MGAT5B: variants seen among roughly 807,000 people sequenced by gnomAD.
MGAT5B encodes the protein alpha-1,6-mannosylglycoprotein 6-beta-N-acetylglucosaminyltransferase B.
Under a neutral mutation model 95.1 loss-of-function variants are expected in MGAT5B, and 54 were observed. The observed-to-expected ratio is 0.57, with a 90% CI of 0.46 to 0.71. The LOEUF (loss-of-function observed/expected upper bound fraction) is 0.71. Ranked by LOEUF, MGAT5B falls within the 30% of genes least tolerant of loss-of-function variation. The probability of loss-of-function intolerance (pLI) is 0.00; values close to 1 mark genes in which losing one functional copy is unlikely to be tolerated. For synonymous variants in MGAT5B, 464 were observed against 451.0 expected, an observed-to-expected ratio of 1.03 and a Z score of -0.36; for missense variants, 935 against 1,088.6, an observed-to-expected ratio of 0.86 and a Z score of 1.99.
intron 8 of MGAT5B, among the ~76,000 whole-genome samples, chr17:76,908,777 A>G (rs1326166246): frequency 6.7e-6 from 1 of 149,480 alleles, no homozygotes; most frequent in Non-Finnish European, 1.5e-5. Flanking sequence ...TCTACAATAC[A>G]TTGTTGTTAA....
Position 76,905,953 on chromosome 17 carries a change from C to T in MGAT5B, c.856-65C>T. 6.7e-7 allele frequency: 1 copy of T among 1,496,606 alleles called. No individual in the cohort carries two copies. The highest frequency in any genetic ancestry group is 1.4e-5 in the African/African-American group (1 of 69,194). The allele number at this position is 1,496,606 out of a possible 1,614,324, so 92.7% of individuals were successfully genotyped here. A position where few individuals can be genotyped will look rare whatever the true frequency, so the allele number is the denominator to read the frequency against. On this transcript the variant is annotated intron_variant, in intron 7 of 17. Coordinates refer to ENST00000569840, the MANE Select transcript of MGAT5B (RefSeq NM_001199172.2). The surrounding 1 kb of genome is among the most constrained non-coding windows in gnomAD (Gnocchi z 4.2). ...TGCCGGCTGGTCTCCTGGCCGGTGC[C>T]CCGGGGGGGCGGGGCTCAGAGCTGC...
rs1270849124 is a variant in MGAT5B at position 76,924,902 on chromosome 17, CT to C, written c.1026-63del. Reference sequence around the variant, plus strand: ...ACAGTTCATTCTGGGCTCTAAGGAACTGGGGTGGCCGGTTGGGCAGGTGGGT... The same window carrying C: ...ACAGTTCATTCTGGGCTCTAAGGAACGGGGTGGCCGGTTGGGCAGGTGGGT... On this transcript the variant is annotated intron_variant, in intron 8 of 17. Coordinates refer to ENST00000569840, the MANE Select transcript of MGAT5B (RefSeq NM_001199172.2). 9 of 1,593,744 alleles carry C rather than the reference CT, an allele frequency of 5.6e-6. No homozygotes were observed. The East Asian group carries it at 1.8e-4, about 32-fold the overall frequency.
At chr17:76,927,324 C>G (rs1278975555) in intron 10 of MGAT5B, among the ~76,000 whole-genome samples, 1 of 151,974 alleles carries the variant, frequency 6.6e-6, no homozygotes, top group Non-Finnish European at 1.5e-5. Flanking sequence ...ACTGCAGCCT[C>G]GACCTCCTGG....
Position 76,905,337 on chromosome 17 carries a change from C to T in MGAT5B, c.855+4C>T, listed in dbSNP as rs199786344. 3.3e-5 allele frequency: 52 copies of T among 1,580,140 alleles called. No homozygotes were observed. The highest frequency in any genetic ancestry group is 6.8e-5 in the East Asian group (3 of 44,060). ...CACCCAGAGGGACCAGAAGCAGGTG[C>T]GTGGCCCCTGCCCCCTCATGTGCAG... is the stretch of plus-strand genomic sequence containing the variant. On this transcript the variant is annotated splice_donor_region_variant and intron_variant, in intron 7 of 17. Coordinates refer to ENST00000569840, the MANE Select transcript of MGAT5B (RefSeq NM_001199172.2). This position sits in a 1 kb window ranked among gnomAD's most constrained non-coding sequence, Gnocchi z 4.2.
At chr17:76,926,842 G>T in intron 10 of MGAT5B, 112 bp downstream of exon 10, 1 of 1,309,512 alleles carries the variant, frequency 7.6e-7, no homozygotes, top group Non-Finnish European at 1.1e-6. Context: ...TCTCCAGCCA[G>T]TGGGGTTGGT....
chr17:76,913,857 T>C (rs769739681), intron 8 of MGAT5B: 1 of 449,592 alleles, frequency 2.2e-6, no homozygotes, highest in African/African-American at 2.0e-5. Context: ...ACTCCTGTAA[T>C]CCCAGCACTT....
At chr17:76,908,770 A>G (rs1324583261) in intron 8 of MGAT5B, among the ~76,000 whole-genome samples, 1 of 151,170 alleles carries the variant, frequency 6.6e-6, no homozygotes, top group African/African-American at 2.4e-5. Flanking sequence ...TTTGAAATCT[A>G]CAATACATTG....
intron 15 of MGAT5B, among the ~76,000 whole-genome samples, chr17:76,942,751 G>C (rs61624180): frequency 6.6e-6 from 1 of 151,930 alleles, no homozygotes; most frequent in South Asian, 2.1e-4. Context: ...CCCCCTGCAC[G>C]GGGAAGCTGG....
intron 3 of MGAT5B, among the ~76,000 whole-genome samples, chr17:76,897,738 T>TTTC (rs1598923322): frequency 6.8e-6 from 1 of 147,458 alleles, no homozygotes; most frequent in East Asian, 2.0e-4. Flanking sequence ...TTTCTTTTTT[T>TTTC]TTTTTTTTTT....
In MGAT5B at chr17:76,932,616, C is replaced by G. The variant is rs371209215; in HGVS notation, c.1292-29C>G. The G allele has an allele frequency of 1.1e-5, 17 of 1,612,290 alleles. No individual in the cohort carries two copies. The African/African-American group carries it at 1.9e-4, about 18-fold the overall frequency. On this transcript the variant is annotated intron_variant, in intron 10 of 17. Coordinates refer to ENST00000569840, the MANE Select transcript of MGAT5B (RefSeq NM_001199172.2). Reference sequence around the variant, plus strand: ...GGGCTGCCCTTGGTTGTTTGGTGACCCCATTCCTTCTGCGTGCTCGGGCTG... The same window carrying G: ...GGGCTGCCCTTGGTTGTTTGGTGACGCCATTCCTTCTGCGTGCTCGGGCTG...
In MGAT5B at chr17:76,926,621, C is replaced by T; in HGVS notation, c.1182C>T (p.Thr394=). 2 of 1,612,550 alleles carry T rather than the reference C, an allele frequency of 1.2e-6. No individual in the cohort carries two copies. The highest frequency in any genetic ancestry group is 1.7e-6 in the Non-Finnish European group (2 of 1,179,888). The part of the protein sequence containing the change: ...KYRCRIRVID[T]FGTEPAYNHE... Reference sequence around the variant, plus strand: ...GGTGCCGAATCAGGGTCATCGACACCTTCGGGACGGAACCTGCGTACAACC... The same window carrying T: ...GGTGCCGAATCAGGGTCATCGACACTTTCGGGACGGAACCTGCGTACAACC... The change falls in exon 10 of 18, where the codon ACC becomes ACT. Residue 394 remains threonine, a synonymous_variant. Transcript: ENST00000569840.
chr17:76,924,988 C>T lies in MGAT5B; in HGVS notation c.1048C>T (p.Arg350Trp), dbSNP rs771745922. Residue 350 changes from arginine (R) to tryptophan (W), a missense_variant, in exon 9 of 18, where the codon CGG becomes TGG. Transcript: ENST00000569840. ...CAGTAACTTAGGGGTACCGCCAGGCCGGGGAAGCTGCCCGCTCACCATGCC... is the reference window on the plus strand; with the variant it reads ...CAGTAACTTAGGGGTACCGCCAGGCTGGGGAAGCTGCCCGCTCACCATGCC... The part of the protein sequence containing the change: ...LQSNLGVPPG[R>W]GSCPLTMPLP... 1.1e-5 allele frequency: 18 copies of T among 1,612,004 alleles called. No homozygotes were observed. Among genetic ancestry groups the T allele is most frequent in the South Asian group, 4.4e-5 (4 of 91,074 alleles).
At chr17:76,909,076 G>T (rs1231921927) in intron 8 of MGAT5B, among the ~76,000 whole-genome samples, 2 of 152,136 alleles carry the variant, frequency 1.3e-5, no homozygotes, top group African/African-American at 4.8e-5. Flanking sequence ...CAAAGTGCTG[G>T]AATTATAGGC....
At chr17:76,883,347 G>A (rs772179844) in intron 3 of MGAT5B, among the ~76,000 whole-genome samples, 20 of 152,178 alleles carry the variant, frequency 1.3e-4, no homozygotes, top group Non-Finnish European at 2.1e-4. Flanking sequence ...TGAGGGGCAT[G>A]TGTGGATACT....
At chr17:76,873,517 T>C (rs984471525) in intron 2 of MGAT5B, among the ~76,000 whole-genome samples, 4 of 152,190 alleles carry the variant, frequency 2.6e-5, no homozygotes, top group African/African-American at 7.2e-5. Flanking sequence ...CTACCAGCTG[T>C]GTGCCTTTGG....
In MGAT5B at chr17:76,924,983, C is replaced by A. The variant is rs1410656104; in HGVS notation, c.1043C>A (p.Pro348Gln). Residue 348 changes from proline (P) to glutamine (Q), a missense_variant, in exon 9 of 18, where the codon CCA becomes CAA. By Grantham distance (76) the Pro-to-Gln change is moderately conservative. Coordinates refer to ENST00000569840, the MANE Select transcript of MGAT5B (RefSeq NM_001199172.2). ...TCTCTCAGTAACTTAGGGGTACCGC[C>A]AGGCCGGGGAAGCTGCCCGCTCACC... ...KELQSNLGVP[P>Q]GRGSCPLTMP... 1.2e-6 allele frequency: 2 copies of A among 1,612,134 alleles called. No homozygotes were observed. The highest frequency in any genetic ancestry group is 1.7e-6 in the Non-Finnish European group (2 of 1,179,516).
At chr17:76,943,630 G>T (rs201401607) in intron 15 of MGAT5B, among the ~76,000 whole-genome samples, 1 of 129,964 alleles carries the variant, frequency 7.7e-6, no homozygotes, top group Non-Finnish European at 1.7e-5. Flanking sequence ...GGGTGGGGGG[G>T]GGGTCTCATT....
At chr17:76,948,514 G>C in intron 17 of MGAT5B, 126 bp from the exon 18 acceptor site, 1 of 1,007,812 alleles carries the variant, frequency 9.9e-7, no homozygotes, top group Non-Finnish European at 1.4e-6. Flanking sequence ...TCCTTACCCA[G>C]GCTGGGATGG....
intron 3 of MGAT5B, among the ~76,000 whole-genome samples, chr17:76,887,989 C>T (rs1434124646): frequency 3.3e-5 from 5 of 152,130 alleles, no homozygotes; most frequent in African/African-American, 1.2e-4. Flanking sequence ...GCCCCATGTC[C>T]CTCTGGCTCC....
Sources: gnomAD v4.1 joint callset for allele counts (sites outside exome capture counted in the v4.1 genomes callset) on GRCh38, gnomAD v4.1.1 for gene constraint, Gnocchi (gnomAD v3.1) non-coding constraint, MANE v1.5 for transcripts, NCBI Gene and HGNC (gene_info 2026-07-23, HGNC 2026-07-21) for gene names.